BNC1: variants seen among roughly 807,000 people sequenced by gnomAD.
The protein encoded by BNC1 is zinc finger protein basonuclin-1.
BNC1 carries 8 observed loss-of-function variants against 66.5 expected under a neutral mutation model. The ratio of observed to expected loss-of-function variants is 0.12; its 90% CI spans 0.07 to 0.22. The LOEUF is 0.22. Among genes scored for constraint, BNC1 ranks in the 10% least tolerant of loss-of-function variants. The pLI, the probability that BNC1 is intolerant of heterozygous loss-of-function variation, is 1.00. For missense variants in BNC1, 1,069 were observed against 1,241.3 expected (o/e 0.86, Z 2.09); for synonymous variants, 454 against 452.6 (o/e 1.00, Z -0.04).
At chr15:83,271,308 G>T (rs971842038) in intron 1 of BNC1, among the ~76,000 whole-genome samples, 2 of 152,160 alleles carry the variant, frequency 1.3e-5, no homozygotes, top group African/African-American at 2.4e-5. Flanking sequence ...TTCATGATTT[G>T]ACTGTCTTCT....
rs2038093841 is a variant in BNC1, at chr15:83,257,755, T to C, written c.2672A>G (p.Asp891Gly). ...AAGGCTCGACCCTTCACAGTTCCCA[T>C]CACTGTCCTCCATAAGCACAGTGCC... ...EEGTVLMEDS[D>G]GNCEGSSLVP... Residue 891 changes from aspartate (D) to glycine (G), a missense_variant, in exon 5 of 5, where the codon GAT (aspartate) becomes GGT (glycine). Physicochemically the swap from Asp to Gly is moderately conservative, Grantham distance 94. Transcript: ENST00000345382. 14 of 1,614,036 alleles carry C rather than the reference T, an allele frequency of 8.7e-6. No individual in the cohort carries two copies. Among genetic ancestry groups the C allele is most frequent in the Non-Finnish European group, 1.2e-5 (14 of 1,180,016 alleles).
intron 1 of BNC1, among the ~76,000 whole-genome samples, chr15:83,277,816 C>A (rs2038341544): frequency 1.3e-5 from 2 of 152,046 alleles, no homozygotes; most frequent in African/African-American, 4.8e-5. Context: ...AGCTAGCCTT[C>A]CTGGTTTAGG....
chr15:83,274,667 A>G (rs751875099), intron 1 of BNC1, among the ~76,000 whole-genome samples: 2 of 152,220 alleles, frequency 1.3e-5, no homozygotes, highest in African/African-American at 2.4e-5. Context: ...ACTTAAATTT[A>G]TGGAAGATTT....
chr15:83,258,228 A>T (rs1180288380), intron 4 of BNC1, 102 bp from the exon 5 acceptor site: 1 of 1,233,672 alleles, frequency 8.1e-7, no homozygotes, highest in African/African-American at 1.5e-5. Flanking sequence ...AACATGTGGT[A>T]TGGGAGCACC....
In BNC1 at chr15:83,263,495, T is replaced by C; in HGVS notation, c.1756A>G (p.Arg586Gly). The change falls in exon 4 of 5, where the codon AGA becomes GGA. Residue 586 changes from arginine (R) to glycine (G), a missense_variant. By Grantham distance (125) the Arg-to-Gly change is moderately radical. Transcript: ENST00000345382. ...TGTACATGCTGCTCCTCAGATACTCTGTGTGACTGAGGACTGCAGGCCTCC... is the reference window on the plus strand; with the variant it reads ...TGTACATGCTGCTCCTCAGATACTCCGTGTGACTGAGGACTGCAGGCCTCC... ...EQEACSPQSH[R>G]VSEEQHVQSG... The C allele has an allele frequency of 6.2e-7, 1 of 1,614,250 alleles. No homozygotes were observed. Among genetic ancestry groups the C allele is most frequent in the East Asian group, 2.2e-5 (1 of 44,892 alleles).
At chr15:83,262,788 T>A (rs898972139) in intron 4 of BNC1, among the ~76,000 whole-genome samples, 163 bp downstream of exon 4, 4 of 152,148 alleles carry the variant, frequency 2.6e-5, no homozygotes, top group African/African-American at 9.7e-5. Context: ...TGGGAACTTG[T>A]TAAAAATGCC....
intron 3 of BNC1, among the ~76,000 whole-genome samples, chr15:83,266,505 C>G (rs980654892): frequency 1.3e-5 from 2 of 152,144 alleles, no homozygotes; most frequent in Admixed American, 6.5e-5. Flanking sequence ...CTGATACAGA[C>G]AGATCTTGTG....
chr15:83,264,224 C>A lies in BNC1; in HGVS notation c.1027G>T (p.Val343Leu), dbSNP rs1426036491. 1 of 1,614,100 alleles carries A rather than the reference C, an allele frequency of 6.2e-7. No homozygotes were observed. The highest frequency in any genetic ancestry group is 2.2e-5 in the East Asian group (1 of 44,892). The change falls in exon 4 of 5, where the codon GTG (valine) becomes TTG (leucine). Residue 343 changes from valine to leucine, a missense_variant. Coordinates refer to ENST00000345382, the MANE Select transcript of BNC1 (RefSeq NM_001717.4). ...ERTQLSPEAK[V>L]KPERNSLGTK... ...CCAAGGCTATTCCTCTCAGGCTTCA[C>A]TTTGGCCTCAGGGGATAACTGTGTC...
At chr15:83,280,560 A>G (rs920158455) in intron 1 of BNC1, among the ~76,000 whole-genome samples, 1 of 152,244 alleles carries the variant, frequency 6.6e-6, no homozygotes, top group African/African-American at 2.4e-5. Context: ...TTTTAAAAAG[A>G]AAAGATCAAA....
At chr15:83,260,078 G>A (rs1242607964) in intron 4 of BNC1, among the ~76,000 whole-genome samples, 1 of 152,150 alleles carries the variant, frequency 6.6e-6, no homozygotes, top group Non-Finnish European at 1.5e-5. Flanking sequence ...GGCCCTTTCA[G>A]GGGGTTCCTG....
intron 1 of BNC1, among the ~76,000 whole-genome samples, chr15:83,278,862 C>T (rs1301542597): frequency 6.6e-6 from 1 of 152,128 alleles, no homozygotes; most frequent in East Asian, 1.9e-4. Flanking sequence ...TTAAATGATA[C>T]TACAAGGAAA....
chr15:83,283,146 G>A, intron 1 of BNC1: 1 of 1,535,602 alleles, frequency 6.5e-7, no homozygotes, highest in Non-Finnish European at 8.7e-7. Flanking sequence ...GTCAGACTCG[G>A]AGCGGTGGCA....
intron 4 of BNC1, among the ~76,000 whole-genome samples, chr15:83,259,644 A>G (rs1033283674): frequency 6.6e-6 from 1 of 152,192 alleles, no homozygotes; most frequent in East Asian, 1.9e-4. Flanking sequence ...TACAGGTTCC[A>G]GTACATACAA....
intron 1 of BNC1, among the ~76,000 whole-genome samples, chr15:83,274,339 C>T (rs1424304199): frequency 3.9e-5 from 6 of 152,122 alleles, no homozygotes; most frequent in South Asian, 4.1e-4. Context: ...GAGCTGAGAT[C>T]GCGCCACTGC....
At chr15:83,262,907 A>C in intron 4 of BNC1, 44 bp downstream of exon 4, 1 of 1,527,400 alleles carries the variant, frequency 6.5e-7, no homozygotes, top group Non-Finnish European at 8.8e-7. Flanking sequence ...TTAAACTTGA[A>C]GAGCCACTGC....
At chr15:83,283,090 A>G (rs1312604389) in intron 1 of BNC1, 1 of 1,503,724 alleles carries the variant, frequency 6.7e-7, no homozygotes, top group South Asian at 1.2e-5. Context: ...ACCACACACA[A>G]CTTCACTCAC....
At chr15:83,283,329 C>G (rs942127523) in intron 1 of BNC1, 15 of 1,428,270 alleles carry the variant, frequency 1.1e-5, no homozygotes, top group African/African-American at 2.9e-5. Flanking sequence ...CAAAGCCAGG[C>G]GGCGGCGGGG....
Position 83,283,263 on chromosome 15 carries a change from C to T in BNC1, c.99+1267G>A, listed in dbSNP as rs1040330879. On this transcript the variant is annotated intron_variant, in intron 1 of 4. Transcript: ENST00000345382. ...GCGCTGATTAATATCAGATCTCCTT[C>T]ACTCGCCTCGCCACAATCTTGTCAC... is the stretch of plus-strand genomic sequence containing the variant. 4 of 1,534,292 alleles carry T rather than the reference C, an allele frequency of 2.6e-6. No homozygotes were observed. In the South Asian group the frequency reaches 3.6e-5, roughly 14 times the overall value.
chr15:83,266,458 T>G (rs191477853), intron 3 of BNC1, among the ~76,000 whole-genome samples: 2 of 152,344 alleles, frequency 1.3e-5, no homozygotes, highest in Admixed American at 1.3e-4. Flanking sequence ...GTGGTTCATG[T>G]AAGTTCCCTT....
Sources: gnomAD v4.1 joint callset for allele counts (sites outside exome capture counted in the v4.1 genomes callset) on GRCh38, gnomAD v4.1.1 for gene constraint, MANE v1.5 for transcripts, NCBI Gene and HGNC (gene_info 2026-07-23, HGNC 2026-07-21) for gene names.